The following TRHDE variants were observed in gnomAD, a reference collection of about 807,000 sequenced individuals.
TRHDE encodes thyrotropin-releasing hormone-degrading ectoenzyme.
Under a neutral mutation model 125.7 loss-of-function variants are expected in TRHDE, and 72 were observed. The ratio of observed to expected loss-of-function variants is 0.57; its 90% confidence interval spans 0.47 to 0.70. The LOEUF (loss-of-function observed/expected upper bound fraction) is 0.70, where lower values mean the gene tolerates loss of function less well. Among genes scored for constraint, TRHDE ranks in the 30% least tolerant of loss-of-function variants. TRHDE has a pLI of 0.00. For missense variants in TRHDE, 1,110 were observed against 1,327.1 expected (o/e 0.84, Z 2.54); for synonymous variants, 509 against 509.1 (o/e 1.00, Z 0.00).
At chr12:72,472,070 G>A (rs1462752360) in intron 4 of TRHDE, among the ~76,000 whole-genome samples, 1 of 152,160 alleles carries the variant, frequency 6.6e-6, no homozygotes, top group African/African-American at 2.4e-5. Context: ...AATGTCACTT[G>A]CTTAGAGAGA....
intron 2 of TRHDE, among the ~76,000 whole-genome samples, chr12:72,371,961 C>T (rs996263738): frequency 3.3e-5 from 5 of 152,264 alleles, no homozygotes; most frequent in Middle Eastern, 3.4e-3. Context: ...CCTGAGGAAT[C>T]GCCACACTGA....
intron 12 of TRHDE, among the ~76,000 whole-genome samples, chr12:72,597,731 ATATATATATATATATATATATATATATG>A (rs1872024133): frequency 2.7e-4 from 2 of 7,302 alleles, no homozygotes; most frequent in African/African-American, 3.6e-4. Context: ...ATATATATAT[ATATATATATATATATATATATATATATG>A]CATACACACA....
chr12:72,393,894 G>T (rs950120278), intron 3 of TRHDE, among the ~76,000 whole-genome samples: 2 of 152,012 alleles, frequency 1.3e-5, no homozygotes, highest in Non-Finnish European at 2.9e-5. Context: ...AAAATATAGT[G>T]GACTCATGGT....
At chr12:72,617,819 T>A (rs1872884041) in intron 12 of TRHDE, among the ~76,000 whole-genome samples, 2 of 152,168 alleles carry the variant, frequency 1.3e-5, no homozygotes, top group South Asian at 4.1e-4. Flanking sequence ...GTCAAGAAGA[T>A]GCACTGGAAC....
intron 18 of TRHDE, among the ~76,000 whole-genome samples, chr12:72,658,784 C>G (rs1040944580): frequency 2.6e-5 from 4 of 152,154 alleles, no homozygotes; most frequent in African/African-American, 9.7e-5. Flanking sequence ...CAGCTAACAT[C>G]ACAGTGCAGT....
chr12:72,458,779 C>T (rs1376391257), intron 3 of TRHDE, among the ~76,000 whole-genome samples: 2 of 152,106 alleles, frequency 1.3e-5, no homozygotes, highest in Non-Finnish European at 2.9e-5. Context: ...AAATACACTT[C>T]CCCTCTGGCT....
At chr12:72,167,782 G>T (rs1446492345) in intron 2 of TRHDE, 2 of 152,148 alleles carry the variant, frequency 1.3e-5, no homozygotes, top group Admixed American at 1.3e-4. Flanking sequence ...GGGAGACATG[G>T]GAATCACATC....
At position 72,146,647 on chromosome 12, in the gene TRHDE, G is replaced by C. The variant is rs138691312; in HGVS notation, n.279+40895G>C. Among the ~76,000 whole-genome samples, 620 of 152,336 alleles carry C rather than the reference G, an allele frequency of 4.1e-3. 1 individual carries two copies. Among genetic ancestry groups the C allele is most frequent in the African/African-American group, 0.014 (598 of 41,562 alleles). ...CGGGCAGGTGCAGAGGCCTCGGCAAGTGCTCCTGCTCCACGGTAGTGTCTA... is the reference window on the plus strand; with the variant it reads ...CGGGCAGGTGCAGAGGCCTCGGCAACTGCTCCTGCTCCACGGTAGTGTCTA... On this transcript the variant is annotated intron_variant and non_coding_transcript_variant, in intron 2 of 4. Coordinates refer to the TRHDE transcript ENST00000548156.
At chr12:72,201,237 T>G (rs943068736) in intron 2 of TRHDE, among the ~76,000 whole-genome samples, 12 of 151,852 alleles carry the variant, frequency 7.9e-5, no homozygotes, top group African/African-American at 2.4e-4. Flanking sequence ...AATTAAAGGA[T>G]AAAAAGAAAT....
At chr12:72,546,258 T>C (rs1869412236) in intron 7 of TRHDE, among the ~76,000 whole-genome samples, 1 of 151,670 alleles carries the variant, frequency 6.6e-6, no homozygotes, top group Non-Finnish European at 1.5e-5. Flanking sequence ...CTGTAAGAGA[T>C]ACATGATTCT....
chr12:72,456,110 A>G (rs1044197133), intron 3 of TRHDE, among the ~76,000 whole-genome samples: 35 of 146,730 alleles, frequency 2.4e-4, no homozygotes, highest in Non-Finnish European at 4.5e-4. Context: ...GAAATATTAT[A>G]TAAATATAAT....
At position 72,547,155 on chromosome 12, in the gene TRHDE, T is replaced by A. The variant is rs542278835; in HGVS notation, c.1788+4799T>A. 2.0e-5 allele frequency among the ~76,000 whole-genome samples: 3 copies of A among 151,670 alleles called. No individual in the cohort carries two copies. The South Asian group carries it at 6.2e-4, about 31-fold the overall frequency. ...TTATTTGCATTATTTTTACTTGTTT[T>A]TTTTTTTTACCATATGGAGATTTAA... is the stretch of plus-strand genomic sequence containing the variant. On this transcript the variant is annotated intron_variant, in intron 7 of 18. Coordinates refer to ENST00000261180, the MANE Select transcript of TRHDE (RefSeq NM_013381.3).
At chr12:72,181,888 C>A (rs1356527588) in intron 2 of TRHDE, among the ~76,000 whole-genome samples, 1 of 152,120 alleles carries the variant, frequency 6.6e-6, no homozygotes, top group African/African-American at 2.4e-5. Context: ...ACACCTCCCA[C>A]TTATTATGTT....
At chr12:72,229,896 T>C (rs1254823438) in intron 2 of TRHDE, among the ~76,000 whole-genome samples, 1 of 152,166 alleles carries the variant, frequency 6.6e-6, no homozygotes, top group Non-Finnish European at 1.5e-5. Flanking sequence ...GAGATGCTAA[T>C]ACCATGTTAC....
intron 12 of TRHDE, among the ~76,000 whole-genome samples, chr12:72,591,994 T>G (rs1417371396): frequency 6.6e-6 from 1 of 152,126 alleles, no homozygotes; most frequent in Admixed American, 6.5e-5. Flanking sequence ...GTATGGTATT[T>G]GTTTAGCATT....
chr12:72,381,395 GTTTTTTT>G (rs61184961), intron 3 of TRHDE, among the ~76,000 whole-genome samples: 1 of 137,972 alleles, frequency 7.2e-6, no homozygotes, highest in Non-Finnish European at 1.6e-5. Flanking sequence ...AGATACGAAA[GTTTTTTT>G]TTTTTTTTTT....
chr12:72,331,684 A>G (rs1869605986), intron 2 of TRHDE, among the ~76,000 whole-genome samples: 1 of 152,070 alleles, frequency 6.6e-6, no homozygotes, highest in Admixed American at 6.5e-5. Context: ...GTTGTGGGGC[A>G]CTCTACGAGA....
chr12:72,165,472 G>T (rs560441897), intron 2 of TRHDE, among the ~76,000 whole-genome samples: 36 of 152,180 alleles, frequency 2.4e-4, no homozygotes, highest in African/African-American at 7.9e-4. Flanking sequence ...TTGTCAGGGT[G>T]GGAGGCTTAT....
intron 2 of TRHDE, among the ~76,000 whole-genome samples, chr12:72,206,485 GT>G (rs1333678667): frequency 6.6e-6 from 1 of 152,096 alleles, no homozygotes; most frequent in Non-Finnish European, 1.5e-5. Flanking sequence ...TTTATTTGTA[GT>G]AACCTCATAG....
Sources: gnomAD v4.1 joint callset for allele counts (sites outside exome capture counted in the v4.1 genomes callset) on GRCh38, gnomAD v4.1.1 for gene constraint, MANE v1.5 for transcripts, NCBI Gene and HGNC (gene_info 2026-07-23, HGNC 2026-07-21) for gene names.